Variants in BLNK observed in about 807,000 individuals in gnomAD.
BLNK encodes the protein B cell linker.
BLNK carries 29 observed loss-of-function variants against 73.5 expected under a neutral mutation model. That is an observed-to-expected ratio of 0.39 (90% CI 0.29 to 0.54). The LOEUF (loss-of-function observed/expected upper bound fraction) is 0.54. BLNK is among the 20% of genes least tolerant of loss of function. BLNK has a pLI of 0.61. For synonymous variants in BLNK, 176 were observed against 200.8 expected, an observed-to-expected ratio of 0.88 and a Z score of 1.04; for missense variants, 460 against 562.8, an observed-to-expected ratio of 0.82 and a Z score of 1.85.
chr10:96,207,968 T>C (rs1215609684), intron 9 of BLNK, 69 bp from the exon 10 acceptor site: 1 of 1,505,626 alleles, frequency 6.6e-7, no homozygotes, highest in Non-Finnish European at 9.2e-7. Context: ...TTACCATTAT[T>C]TTAGTCTCAA....
intron 1 of BLNK, among the ~76,000 whole-genome samples, chr10:96,264,516 T>C (rs1406360181): frequency 6.6e-6 from 1 of 152,054 alleles, no homozygotes; most frequent in African/African-American, 2.4e-5. Flanking sequence ...TCATCATTCC[T>C]AATATGCAGA....
At chr10:96,232,226 C>G (rs587663915) in intron 3 of BLNK, among the ~76,000 whole-genome samples, 2 of 152,278 alleles carry the variant, frequency 1.3e-5, no homozygotes, top group African/African-American at 2.4e-5. Context: ...GCTGAGCAGC[C>G]ACTGCCACAG....
chr10:96,226,620 C>T lies in BLNK; in HGVS notation c.361+790G>A, dbSNP rs587595037. 2.6e-5 allele frequency among the ~76,000 whole-genome samples: 4 copies of T among 152,200 alleles called. No individual in the cohort carries two copies. In the South Asian group the frequency reaches 8.3e-4, roughly 32 times the overall value. On this transcript the variant is annotated intron_variant, in intron 5 of 16. Coordinates refer to ENST00000224337, the MANE Select transcript of BLNK (RefSeq NM_013314.4). ...CTTTGGGAGGCCGAGGCGGTTGTAT[C>T]ACTTGAGGTCAGGAGTTTGAGACCA...
In BLNK at chr10:96,271,495, C is replaced by G; in HGVS notation, c.-97G>C. ...GAGCAGCATGGTAAGCCTCTGGTCT[C>G]AAGGGTTCCGGCCACTCAAGTCTGA... is the stretch of plus-strand genomic sequence containing the variant. On this transcript the variant is annotated 5_prime_UTR_variant, in exon 1 of 17. Transcript: ENST00000224337. 1 of 1,319,320 alleles carries G rather than the reference C, an allele frequency of 7.6e-7. No individual in the cohort carries two copies. Among genetic ancestry groups the G allele is most frequent in the Non-Finnish European group, 1.1e-6 (1 of 913,866 alleles). The allele number at this position is 1,319,320 out of a possible 1,614,324, so 81.7% of individuals were successfully genotyped here.
At chr10:96,234,322 T>C (rs1419680257) in intron 3 of BLNK, among the ~76,000 whole-genome samples, 1 of 152,194 alleles carries the variant, frequency 6.6e-6, no homozygotes, top group African/African-American at 2.4e-5. Context: ...CTACTTCAGG[T>C]CCCAAGTGCA....
At chr10:96,206,345 G>A (rs112434754) in intron 11 of BLNK, among the ~76,000 whole-genome samples, 7 of 151,766 alleles carry the variant, frequency 4.6e-5, no homozygotes, top group Non-Finnish European at 8.8e-5. Context: ...ATTTTTTTCC[G>A]GTAATTTCCA....
At chr10:96,251,631 T>C (rs1458782390) in intron 1 of BLNK, among the ~76,000 whole-genome samples, 1 of 152,258 alleles carries the variant, frequency 6.6e-6, no homozygotes, top group Non-Finnish European at 1.5e-5. Context: ...GCTTATCTAA[T>C]ACATGTTTTA....
rs79756685 is a variant in BLNK, at chr10:96,234,738, C to G, written c.164-3904G>C. The stretch of plus-strand genomic sequence containing the variant: ...AGAATGCCTCAATTAACACTCAAAA[C>G]ACCACTGATTCTAATTTACTCCCAC... On this transcript the variant is annotated intron_variant, in intron 3 of 16. Coordinates refer to ENST00000224337, the MANE Select transcript of BLNK (RefSeq NM_013314.4). Among the ~76,000 whole-genome samples, 1,286 of 152,280 alleles carry G rather than the reference C, an allele frequency of 8.4e-3. 17 individuals are homozygous for G. Among genetic ancestry groups the G allele is most frequent in the African/African-American group, 0.03 (1,233 of 41,550 alleles).
At chr10:96,196,307 G>C (rs1554894662) in intron 16 of BLNK, among the ~76,000 whole-genome samples, 1 of 152,196 alleles carries the variant, frequency 6.6e-6, no homozygotes, top group South Asian at 2.1e-4. Context: ...CATATTTCAG[G>C]GTTCATTTAT....
At chr10:96,228,995 A>AT (rs1410622954) in intron 4 of BLNK, among the ~76,000 whole-genome samples, 2 of 152,178 alleles carry the variant, frequency 1.3e-5, no homozygotes, top group Admixed American at 1.3e-4. Flanking sequence ...TATATGAGAT[A>AT]TTTTGAAACA....
In BLNK at chr10:96,191,225, C is replaced by T. The variant is rs587759147; in HGVS notation, c.*748G>A. The stretch of plus-strand genomic sequence containing the variant: ...CCCCAACCATGTGGAACTGTGAGTC[C>T]ATTAAACCTCTTTTTTTTTTTTTTT... On this transcript the variant is annotated 3_prime_UTR_variant, in exon 17 of 17. Transcript: ENST00000224337. Among the ~76,000 whole-genome samples the T allele has an allele frequency of 4.7e-4, 66 of 141,700 alleles. 2 individuals carry two copies. Among genetic ancestry groups the T allele is most frequent in the African/African-American group, 1.7e-3 (65 of 37,958 alleles). The allele number at this position is 141,700 out of a possible 152,430, so 93.0% of individuals were successfully genotyped here. A position where few individuals can be genotyped will look rare whatever the true frequency, so the allele number is the denominator to read the frequency against.
At chr10:96,225,819 A>T (rs1329735114) in intron 5 of BLNK, among the ~76,000 whole-genome samples, 1 of 151,762 alleles carries the variant, frequency 6.6e-6, no homozygotes, top group Non-Finnish European at 1.5e-5. Flanking sequence ...ATTTTTTTGT[A>T]TTTTTAATAG....
chr10:96,267,378 G>A (rs782630642), intron 1 of BLNK, among the ~76,000 whole-genome samples: 1 of 152,158 alleles, frequency 6.6e-6, no homozygotes, highest in Non-Finnish European at 1.5e-5. Context: ...GAGGTGAAGA[G>A]GGAAAGGTGA....
intron 3 of BLNK, among the ~76,000 whole-genome samples, chr10:96,235,427 A>G (rs1842656839): frequency 1.3e-5 from 2 of 152,206 alleles, no homozygotes; most frequent in Admixed American, 1.3e-4. Flanking sequence ...AACTGTTCCA[A>G]GTTCACACAG....
Position 96,223,832 on chromosome 10 carries a change from C to G in BLNK, c.519G>C (p.Glu173Asp). The change falls in exon 6 of 17, where the codon GAG becomes GAC. Residue 173 changes from glutamate to aspartate, a missense_variant. Around this residue, in one of 3 missense-constraint regions of BLNK, gnomAD observed 233 missense variants for 232.1 expected, o/e 1.00. Coordinates refer to ENST00000224337, the MANE Select transcript of BLNK (RefSeq NM_013314.4). ...TGGCACAGATTTACTTTACCTCATC[C>G]TCAAGGAGGCCTTTGGGTTTGGGTG... ...QVPPKPKGLL[E>D]DEADYVVPVE... 1 of 1,613,762 alleles carries G rather than the reference C, an allele frequency of 6.2e-7. No homozygotes were observed. Among genetic ancestry groups the G allele is most frequent in the Non-Finnish European group, 8.5e-7 (1 of 1,179,996 alleles).
At chr10:96,204,215 T>G in intron 12 of BLNK, 127 bp from the exon 13 acceptor site, 1 of 1,061,662 alleles carries the variant, frequency 9.4e-7, no homozygotes, top group Non-Finnish European at 1.4e-6. Flanking sequence ...GCCAATAAAA[T>G]GTATCTAAAG....
At chr10:96,257,558 A>G (rs1843569638) in intron 1 of BLNK, among the ~76,000 whole-genome samples, 1 of 152,232 alleles carries the variant, frequency 6.6e-6, no homozygotes, top group African/African-American at 2.4e-5. Context: ...AGCAGGACTG[A>G]TTCTGTCTTC....
intron 6 of BLNK, 105 bp downstream of exon 6, chr10:96,223,721 A>G: frequency 7.3e-7 from 1 of 1,377,592 alleles, no homozygotes. Context: ...GGGGCAGTCA[A>G]TAGCAGGTTG....
chr10:96,246,770 A>C (rs1217811487), intron 2 of BLNK, among the ~76,000 whole-genome samples: 2 of 152,220 alleles, frequency 1.3e-5, no homozygotes, highest in Non-Finnish European at 2.9e-5. Context: ...TGCAGTGAGA[A>C]GGAAAATCAA....
Sources: gnomAD v4.1 joint callset for allele counts (sites outside exome capture counted in the v4.1 genomes callset) on GRCh38, gnomAD v4.1.1 for gene constraint, gnomAD v4.1.1 regional missense constraint, MANE v1.5 for transcripts, NCBI Gene and HGNC (gene_info 2026-07-23, HGNC 2026-07-21) for gene names.